The following MAP3K15 variants were observed in gnomAD, a reference collection of about 807,000 sequenced individuals.
MAP3K15 encodes mitogen-activated protein kinase kinase kinase 15, also known as MAPK/ERK kinase kinase 15.
In MAP3K15, 124 loss-of-function variants were observed where a neutral mutation model predicts 99.5. That is an observed-to-expected ratio of 1.25 (90% confidence interval 1.08 to 1.45). The LOEUF is 1.45. Among genes scored for constraint, MAP3K15 ranks in the 40% most tolerant of loss-of-function variants. The pLI is 0.00. For missense variants in MAP3K15, 1,242 were observed against 1,079.7 expected (o/e 1.15, Z -2.11); for synonymous variants, 494 against 439.6 (o/e 1.12, Z -1.55).
chrX:19,395,666 C>T (rs1934782873), intron 15 of MAP3K15, among the ~76,000 whole-genome samples: 1 of 111,450 alleles, frequency 9.0e-6, no homozygotes, highest in African/African-American at 3.3e-5. Context: ...GCCACCCAGC[C>T]CCAGCCTCTG....
At chrX:19,477,383 A>G (rs7050015) in intron 3 of MAP3K15, among the ~76,000 whole-genome samples, 162 of 112,054 alleles carry the variant, frequency 1.4e-3, no homozygotes, top group African/African-American at 5.1e-3. Context: ...ATGAGGCAGA[A>G]ATAACAGAAC....
intron 3 of MAP3K15, among the ~76,000 whole-genome samples, chrX:19,479,454 G>A (rs1391136100): frequency 1.8e-5 from 2 of 111,167 alleles, no homozygotes; most frequent in Non-Finnish European, 3.8e-5. Context: ...GGCCAGTCCC[G>A]CTTCATTTAC....
chrX:19,391,693 A>AAAAG (rs1569208060), intron 18 of MAP3K15, among the ~76,000 whole-genome samples: 2 of 107,981 alleles, frequency 1.9e-5, no homozygotes, highest in Non-Finnish European at 3.8e-5. Flanking sequence ...AAAAAAAAAA[A>AAAAG]AAAGAAAGAA....
Position 19,380,237 on chromosome X carries a change from C to A in MAP3K15, c.2472G>T (p.Gly824=), listed in dbSNP as rs770474633. 1 of 1,207,080 alleles carries A rather than the reference C, an allele frequency of 8.3e-7. No individual in the cohort carries two copies. Among genetic ancestry groups the A allele is most frequent in the Admixed American group, 2.2e-5 (1 of 45,323 alleles). The change falls in exon 19 of 29, where the codon GGG becomes GGT. Residue 824 remains glycine (G), a synonymous_variant. Coordinates refer to ENST00000338883, the MANE Select transcript of MAP3K15 (RefSeq NM_001001671.4). ...CGGCTGGGGCACCATATCCGCGAGG[C>A]CCTTGGTCAATTATCTCAGGTGCCA... ...QYMAPEIIDQ[G]PRGYGAPADI...
intron 5 of MAP3K15, 45 bp downstream of exon 5, chrX:19,459,940 G>A: frequency 9.7e-7 from 1 of 1,035,563 alleles, no homozygotes. Flanking sequence ...CTCAAGCCAA[G>A]GAAGAACGTA....
chrX:19,369,612 A>G (rs1220671680), intron 24 of MAP3K15, among the ~76,000 whole-genome samples: 1 of 110,650 alleles, frequency 9.0e-6, no homozygotes, highest in Non-Finnish European at 1.9e-5. Context: ...CTCTACTAAA[A>G]AATATATACA....
At chrX:19,415,036 C>A in intron 10 of MAP3K15, 71 bp downstream of exon 10, 1 of 935,341 alleles carries the variant, frequency 1.1e-6, no homozygotes, top group South Asian at 2.6e-5. Context: ...TCAGAGTATT[C>A]AATAGTTAAA....
At chrX:19,506,398 C>A (rs2064477626) in intron 1 of MAP3K15, among the ~76,000 whole-genome samples, 1 of 112,146 alleles carries the variant, frequency 8.9e-6, no homozygotes, top group African/African-American at 3.2e-5. Context: ...AGCCACCTCA[C>A]TATCTCCACC....
At chrX:19,373,167 AGG>A (rs1393556792) in intron 21 of MAP3K15, 1 of 142,436 alleles carries the variant, frequency 7.0e-6, no homozygotes, top group Non-Finnish European at 1.2e-5. Flanking sequence ...AAAAGGAGGA[AGG>A]GAGGAGGAGG....
Position 19,360,771 on chromosome X carries a change from G to A in MAP3K15, c.3920C>T (p.Ser1307Leu). The A allele has an allele frequency of 1.7e-6, 2 of 1,209,055 alleles. No homozygotes were observed. The highest frequency in any genetic ancestry group is 2.2e-6 in the Non-Finnish European group (2 of 894,137). ...VSQYRRAQEA[S>L]ETKDKA ...GTATCAAGCCTTGTCTTTGGTTTCT[G>A]AGGCCTCCTGAGCCCTTCTGTACTG... The change falls in exon 29 of 29, where the codon TCA (serine) becomes TTA (leucine). Residue 1307 changes from serine to leucine, a missense_variant. Transcript: ENST00000338883.
intron 15 of MAP3K15, 144 bp downstream of exon 15, chrX:19,398,082 A>G (rs2063580051): frequency 1.5e-6 from 1 of 683,257 alleles, no homozygotes; most frequent in Non-Finnish European, 2.1e-6. Context: ...AAAAAAAAAA[A>G]AGATCACCCC....
chrX:19,405,541 T>C (rs2063641943), intron 13 of MAP3K15, among the ~76,000 whole-genome samples: 1 of 112,373 alleles, frequency 8.9e-6, no homozygotes, highest in Non-Finnish European at 1.9e-5. Flanking sequence ...TGATCCTGGA[T>C]TGGAACGTGG....
chrX:19,368,841 GT>G (rs773761949), intron 25 of MAP3K15, among the ~76,000 whole-genome samples: 4,123 of 93,956 alleles, frequency 0.044, 223 homozygotes, highest in African/African-American at 0.14. Context: ...CTGATTCTGA[GT>G]TTTTTTTTTT....
At chrX:19,369,282 G>C in intron 24 of MAP3K15, 63 bp from the exon 25 acceptor site, 1 of 1,175,122 alleles carries the variant, frequency 8.5e-7, no homozygotes, top group Non-Finnish European at 1.2e-6. Flanking sequence ...TGGGGTCGCA[G>C]ACACCCAGGT....
At chrX:19,364,590 G>C (rs146495561) in intron 25 of MAP3K15, among the ~76,000 whole-genome samples, 97 of 111,521 alleles carry the variant, frequency 8.7e-4, no homozygotes, top group African/African-American at 3.1e-3. Context: ...CCGCCTTTCT[G>C]TGTAAAAATT....
At position 19,415,193 on chromosome X, in the gene MAP3K15, G is replaced by T. The variant is rs1325678842; in HGVS notation, c.1504C>A (p.His502Asn). 8.5e-7 allele frequency: 1 copy of T among 1,179,451 alleles called. No homozygotes were observed. The highest frequency in any genetic ancestry group is 1.7e-5 in the African/African-American group (1 of 57,487). ...TTCAGCCGCTCTTGCCTGGGCGAGT[G>T]TTCAATAATGGTTTTCTTGAAGCGC... ...IRRFKKTIIE[H>N]SPRQERLNFW... The change falls in exon 10 of 29, where the codon CAC becomes AAC. Residue 502 changes from histidine (H) to asparagine (N), a missense_variant. His to Asn is a moderately conservative substitution (Grantham distance 68). Coordinates refer to ENST00000338883, the MANE Select transcript of MAP3K15 (RefSeq NM_001001671.4).
intron 6 of MAP3K15, among the ~76,000 whole-genome samples, chrX:19,433,189 T>C (rs1302921930): frequency 1.8e-5 from 2 of 111,346 alleles, no homozygotes; most frequent in East Asian, 5.6e-4. Flanking sequence ...GGGTTTATTA[T>C]TGTGATGGTT....
chrX:19,457,540 A>T (rs2064102708), intron 5 of MAP3K15, among the ~76,000 whole-genome samples: 1 of 111,831 alleles, frequency 8.9e-6, no homozygotes, highest in South Asian at 3.8e-4. Flanking sequence ...TGAACCTGAG[A>T]GGCGGAGGTT....
intron 13 of MAP3K15, among the ~76,000 whole-genome samples, chrX:19,400,882 C>A (rs1232775181): frequency 9.0e-6 from 1 of 111,684 alleles, no homozygotes; most frequent in Non-Finnish European, 1.9e-5. Context: ...AGTATCTCCA[C>A]CAACTGGTTG....
Sources: gnomAD v4.1 joint callset for allele counts (sites outside exome capture counted in the v4.1 genomes callset) on GRCh38, gnomAD v4.1.1 for gene constraint, MANE v1.5 for transcripts, NCBI Gene and HGNC (gene_info 2026-07-23, HGNC 2026-07-21) for gene names.